Variants in STK3 observed in about 807,000 individuals in gnomAD.
STK3 encodes serine/threonine-protein kinase 3.
In STK3, 41 loss-of-function variants were observed where a neutral mutation model predicts 58.0. That is an observed-to-expected ratio of 0.71 (90% CI 0.55 to 0.92). STK3 has a LOEUF of 0.92. STK3 is among the 40% of genes least tolerant of loss of function. STK3 has a pLI of 0.00. For missense variants in STK3, 479 were observed against 602.7 expected (o/e 0.79, Z 2.15); for synonymous variants, 170 against 191.0 (o/e 0.89, Z 0.91).
intron 6 of STK3, among the ~76,000 whole-genome samples, chr8:98,676,125 T>C (rs1166728198): frequency 6.6e-6 from 1 of 152,214 alleles, no homozygotes; most frequent in African/African-American, 2.4e-5. Flanking sequence ...CAAATATTTC[T>C]TGATTCCACT....
intron 3 of STK3, among the ~76,000 whole-genome samples, chr8:98,859,409 A>C (rs1247619237): frequency 6.6e-6 from 1 of 152,224 alleles, no homozygotes; most frequent in African/African-American, 2.4e-5. Flanking sequence ...CCTATATATA[A>C]GTTAACAAGC....
Position 98,501,619 on chromosome 8 carries a change from A to G in STK3, c.1317+25123T>C, listed in dbSNP as rs901162620. Among the ~76,000 whole-genome samples, 4 of 152,360 alleles carry G rather than the reference A, an allele frequency of 2.6e-5. No individual in the cohort carries two copies. The South Asian group carries it at 6.2e-4, about 24-fold the overall frequency. On this transcript the variant is annotated intron_variant, in intron 10 of 10. Transcript: ENST00000419617. ...AAGGGATCCAGTTTCAGCTTTCTAC[A>G]TATGGCTAGCCAGTTTTCCTAGCAC...
At chr8:98,465,141 C>G (rs1820365639) in intron 10 of STK3, among the ~76,000 whole-genome samples, 1 of 152,190 alleles carries the variant, frequency 6.6e-6, no homozygotes, top group Admixed American at 6.5e-5. Flanking sequence ...GTCCTGTACA[C>G]TAAGTCATTG....
intron 1 of STK3, among the ~76,000 whole-genome samples, chr8:98,383,530 A>G (rs945136590): frequency 2.6e-5 from 4 of 152,160 alleles, no homozygotes. Flanking sequence ...TGGATTTTTT[A>G]AGAATAGCCT....
chr8:98,850,186 A>C lies in STK3; in HGVS notation c.110+33461T>G, dbSNP rs549494484. Among the ~76,000 whole-genome samples, 5 of 152,268 alleles carry C rather than the reference A, an allele frequency of 3.3e-5. No individual in the cohort carries two copies. The South Asian group carries it at 1.0e-3, about 32-fold the overall frequency. ...TTATTTATTTAATTAATTTTTTTAG[A>C]GATGGAGTCTATGTTGCTCAGGCTG... On this transcript the variant is annotated intron_variant, in intron 3 of 12. Coordinates refer to the STK3 transcript ENST00000523601.
chr8:98,736,912 C>T lies in STK3; in HGVS notation c.351+12364G>A, dbSNP rs1281320369. On this transcript the variant is annotated intron_variant, in intron 4 of 10. Coordinates refer to ENST00000419617, the MANE Select transcript of STK3 (RefSeq NM_006281.4). ...TTCTAATAATGTAATCTAAACTGTC[C>T]ATTACTCTGAGAAAGCTTACTATTA... Among the ~76,000 whole-genome samples the T allele has an allele frequency of 2.6e-5, 4 of 152,038 alleles. No homozygotes were observed. The East Asian group carries it at 7.7e-4, about 29-fold the overall frequency.
intron 3 of STK3, among the ~76,000 whole-genome samples, chr8:98,864,731 A>G (rs1294767034): frequency 6.6e-6 from 1 of 152,220 alleles, no homozygotes; most frequent in African/African-American, 2.4e-5. Flanking sequence ...GGTCAGAATA[A>G]CAGTAGCTTA....
Position 98,825,600 on chromosome 8 carries a change from G to GCCGGGGCA in STK3, c.-68_-61dup. On this transcript the variant is annotated 5_prime_UTR_variant, in exon 1 of 11. Coordinates refer to ENST00000419617, the MANE Select transcript of STK3 (RefSeq NM_006281.4). Reference sequence around the variant, plus strand: ...GGCGAAGGCCGAAAGGAGGAAAGGAGCCGGGGCACCGGCCGGCCGAGCCTA... The same window carrying GCCGGGGCA: ...GGCGAAGGCCGAAAGGAGGAAAGGAGCCGGGGCACCGGGGCACCGGCCGGCCGAGCCTA... 1 of 1,379,112 alleles carries GCCGGGGCA rather than the reference G, an allele frequency of 7.3e-7. No homozygotes were observed. The highest frequency in any genetic ancestry group is 1.6e-5 in the South Asian group (1 of 64,364). The allele number at this position is 1,379,112 out of a possible 1,614,324, so 85.4% of individuals were successfully genotyped here.
chr8:98,824,401 G>T (rs1354441269), intron 1 of STK3, among the ~76,000 whole-genome samples: 1 of 152,198 alleles, frequency 6.6e-6, no homozygotes, highest in East Asian at 1.9e-4. Context: ...ATTCAGAGTT[G>T]TTCAAACTGG....
intron 1 of STK3, among the ~76,000 whole-genome samples, chr8:98,934,658 G>A (rs144815126): frequency 0.02 from 3,068 of 152,320 alleles, 110 homozygotes; most frequent in African/African-American, 0.07. Context: ...ACTCATACCT[G>A]TAATCCCAGC....
At chr8:98,547,867 T>G (rs1038605895) in intron 9 of STK3, 102 bp downstream of exon 9, 5 of 1,101,056 alleles carry the variant, frequency 4.5e-6, no homozygotes, top group South Asian at 3.1e-5. Context: ...AAACAAAATT[T>G]TCCACAGTTG....
At chr8:98,577,066 G>A (rs1813469281) in intron 8 of STK3, among the ~76,000 whole-genome samples, 1 of 152,206 alleles carries the variant, frequency 6.6e-6, no homozygotes, top group Admixed American at 6.5e-5. Context: ...TCCCCTGGAT[G>A]CTGTTAAGTT....
chr8:98,825,425 A>T (rs1835191774), intron 1 of STK3, 90 bp downstream of exon 1: 1 of 1,199,166 alleles, frequency 8.3e-7, no homozygotes, highest in South Asian at 2.2e-5. Flanking sequence ...GCGGGCGGGG[A>T]GAGGCTCGCA....
intron 3 of STK3, among the ~76,000 whole-genome samples, chr8:98,394,243 T>A (rs912544361): frequency 6.6e-6 from 1 of 152,236 alleles, no homozygotes; most frequent in Middle Eastern, 3.4e-3. Flanking sequence ...AGGAGAAAGA[T>A]GAAAGGCTAG....
At chr8:98,396,458 GA>G (rs1278188796), downstream of STK3, among the ~76,000 whole-genome samples, 3 of 152,240 alleles carry the variant, frequency 2.0e-5, no homozygotes, top group South Asian at 6.2e-4. Flanking sequence ...CTCATGGTAA[GA>G]GGGGTGGTTG....
At chr8:98,388,791 A>C, upstream of STK3, among the ~76,000 whole-genome samples, 1 of 152,360 alleles carries the variant, frequency 6.6e-6, no homozygotes, top group East Asian at 1.9e-4. Flanking sequence ...TGACTAGTTG[A>C]CAATATTAAG....
intron 1 of STK3, among the ~76,000 whole-genome samples, chr8:98,920,815 C>A (rs963783074): frequency 7.9e-4 from 120 of 152,356 alleles, no homozygotes; most frequent in African/African-American, 2.8e-3. Flanking sequence ...AACTGTTTGA[C>A]CTGCCTTGTC....
intron 3 of STK3, among the ~76,000 whole-genome samples, chr8:98,861,928 G>C (rs1836953079): frequency 6.6e-6 from 1 of 152,216 alleles, no homozygotes; most frequent in African/African-American, 2.4e-5. Flanking sequence ...TCATCTGAAA[G>C]AATGTCAGCC....
chr8:98,929,900 G>C (rs1261887816), intron 1 of STK3, among the ~76,000 whole-genome samples: 1 of 152,182 alleles, frequency 6.6e-6, no homozygotes, highest in South Asian at 2.1e-4. Context: ...AAATCAAATA[G>C]GGGTGAGGAA....
Sources: gnomAD v4.1 joint callset for allele counts (sites outside exome capture counted in the v4.1 genomes callset) on GRCh38, gnomAD v4.1.1 for gene constraint, MANE v1.5 for transcripts, NCBI Gene and HGNC (gene_info 2026-07-23, HGNC 2026-07-21) for gene names.